Variants in RNF17 observed in about 807,000 individuals in gnomAD.
The protein encoded by RNF17 is spermatogenesis associated 23.
In RNF17, 31 loss-of-function variants were observed where a neutral mutation model predicts 200.5. That is an observed-to-expected ratio of 0.15 (90% CI 0.12 to 0.21). RNF17 has a LOEUF of 0.21. Ranked by LOEUF, RNF17 falls within the 10% of genes least tolerant of loss-of-function variation. The probability of loss-of-function intolerance (pLI) is 1.00; values close to 1 mark genes in which losing one functional copy is unlikely to be tolerated. For synonymous variants in RNF17, 606 were observed against 637.8 expected (o/e 0.95, Z 0.75); for missense variants, 1,628 against 1,905.1 (o/e 0.85, Z 2.71).
chr13:24,816,528 A>C (rs142625423), intron 15 of RNF17, among the ~76,000 whole-genome samples: 32 of 152,284 alleles, frequency 2.1e-4, no homozygotes, highest in Non-Finnish European at 4.0e-4. Flanking sequence ...ATTTTCTTTA[A>C]ATTAGCCAGT....
chr13:24,886,140 C>CA, the RNF17 span: 1 of 439,156 alleles, frequency 2.3e-6, no homozygotes. Flanking sequence ...ACGCCCCCAC[C>CA]AACAACAAAG....
At chr13:24,838,692 T>TGAC (rs1890278661) in intron 18 of RNF17, among the ~76,000 whole-genome samples, 2 of 152,172 alleles carry the variant, frequency 1.3e-5, no homozygotes, top group South Asian at 4.1e-4. Context: ...AAGCCATCTA[T>TGAC]GACAAACCCA....
chr13:24,772,736 G>C (rs902153479), intron 2 of RNF17, among the ~76,000 whole-genome samples: 1 of 151,536 alleles, frequency 6.6e-6, no homozygotes, highest in Non-Finnish European at 1.5e-5. Flanking sequence ...TCAGCCTCTC[G>C]AGCAGCTGGG....
At chr13:24,876,721 T>G (rs1034980338) in intron 33 of RNF17, among the ~76,000 whole-genome samples, 1 of 151,968 alleles carries the variant, frequency 6.6e-6, no homozygotes, top group African/African-American at 2.4e-5. Context: ...TGTAGATCTT[T>G]AGAGTAATGT....
At chr13:24,763,369 A>ATT (rs34750040), upstream of RNF17, among the ~76,000 whole-genome samples, 22,455 of 114,424 alleles carry the variant, frequency 0.2, 2,314 homozygotes, top group East Asian at 0.36. Flanking sequence ...CGTCCGGCTA[A>ATT]TTTTTTTTTT....
At chr13:24,782,794 ATATT>A (rs1882597383) in intron 6 of RNF17, among the ~76,000 whole-genome samples, 1 of 152,174 alleles carries the variant, frequency 6.6e-6, no homozygotes, top group South Asian at 2.1e-4. Flanking sequence ...AATTCTTTGT[ATATT>A]TTGAATATGA....
At chr13:24,849,368 A>G (rs1049258699) in intron 22 of RNF17, among the ~76,000 whole-genome samples, 1 of 152,232 alleles carries the variant, frequency 6.6e-6, no homozygotes. Context: ...CCCACAGGCC[A>G]CATGCAGCCC....
In RNF17 at chr13:24,859,005, TGA is replaced by T; in HGVS notation, c.3617_3618del (p.Glu1206AlafsTer7). ...ATCTTTAATACTTTTTTTCAGAATT[TGA>T]GCTAATAAAAATGACAAATGAAATT... ...IFVVPKLSEF[E>X]LIKMTNEIQS... On this transcript the variant is annotated frameshift_variant, in exon 26 of 36. Coordinates refer to ENST00000255324, the MANE Select transcript of RNF17 (RefSeq NM_031277.3). LOFTEE classifies it high-confidence loss of function. 2 of 1,564,398 alleles carry T rather than the reference TGA, an allele frequency of 1.3e-6. No homozygotes were observed. Among genetic ancestry groups the T allele is most frequent in the Admixed American group, 1.7e-5 (1 of 57,548 alleles).
intron 13 of RNF17, 117 bp from the exon 14 acceptor site, chr13:24,802,264 C>T (rs1885345110): frequency 9.6e-6 from 8 of 834,000 alleles, no homozygotes; most frequent in African/African-American, 1.7e-5. Context: ...CTAATGTCTG[C>T]GGTTGGTTCA....
intron 22 of RNF17, among the ~76,000 whole-genome samples, chr13:24,847,984 T>C (rs1891441403): frequency 6.6e-6 from 1 of 152,242 alleles, no homozygotes. Context: ...TTAAATGGTA[T>C]CTTATGGACT....
chr13:24,794,842 G>A (rs995550960), intron 10 of RNF17, among the ~76,000 whole-genome samples: 42 of 152,206 alleles, frequency 2.8e-4, no homozygotes, highest in African/African-American at 9.9e-4. Flanking sequence ...CTCAGCCTCC[G>A]GAGTAGCTGG....
rs35220494 is a variant in RNF17 at position 24,771,323 on chromosome 13, C to CTTTTTTTTTTTT, written c.226-3474_226-3463dup. On this transcript the variant is annotated intron_variant, in intron 2 of 35. Coordinates refer to ENST00000255324, the MANE Select transcript of RNF17 (RefSeq NM_031277.3). The stretch of plus-strand genomic sequence containing the variant: ...GGGAGTACCACTGCACACAGATAAT[C>CTTTTTTTTTTTT]TTTTTTTTTTTTTTTTTTTTTTTTT... Among the ~76,000 whole-genome samples the CTTTTTTTTTTTT allele has an allele frequency of 3.8e-4, 30 of 78,010 alleles. 3 individuals carry two copies. Among genetic ancestry groups the CTTTTTTTTTTTT allele is most frequent in the African/African-American group, 9.7e-4 (21 of 21,590 alleles). The allele number at this position is 78,010 out of a possible 152,430, so 51.2% of individuals were successfully genotyped here. A position where few individuals can be genotyped will look rare whatever the true frequency, so the allele number is the denominator to read the frequency against.
chr13:24,827,039 A>T (rs1888733114), intron 16 of RNF17, among the ~76,000 whole-genome samples: 1 of 151,690 alleles, frequency 6.6e-6, no homozygotes, highest in African/African-American at 2.4e-5. Flanking sequence ...CAGCCTGGGC[A>T]ACAAGAGCAA....
At chr13:24,856,101 G>GT (rs747292258) in intron 25 of RNF17, among the ~76,000 whole-genome samples, 33 of 152,104 alleles carry the variant, frequency 2.2e-4, no homozygotes, top group South Asian at 1.2e-3. Context: ...AATCTTCTTT[G>GT]TTTTTTGGTT....
At chr13:24,793,382 T>C (rs1234903780) in intron 10 of RNF17, 36 bp downstream of exon 10, 2 of 1,528,402 alleles carry the variant, frequency 1.3e-6, no homozygotes, top group East Asian at 4.5e-5. Context: ...GGAAAGATCT[T>C]GTATCTGTAA....
chr13:24,755,215 T>C, the RNF17 span, among the ~76,000 whole-genome samples: 6 of 152,230 alleles, frequency 3.9e-5, no homozygotes, highest in Non-Finnish European at 8.8e-5. Flanking sequence ...TCATTTTTGT[T>C]TGTTTGGTTT....
At chr13:24,839,461 A>G (rs1430181827) in intron 18 of RNF17, among the ~76,000 whole-genome samples, 2 of 152,224 alleles carry the variant, frequency 1.3e-5, no homozygotes, top group Non-Finnish European at 2.9e-5. Flanking sequence ...ATTTGGAGGC[A>G]TTACAATACC....
At chr13:24,773,298 A>T (rs1881050238) in intron 2 of RNF17, among the ~76,000 whole-genome samples, 1 of 152,190 alleles carries the variant, frequency 6.6e-6, no homozygotes, top group South Asian at 2.1e-4. Context: ...CATGGAATCA[A>T]CCTATGCGTC....
At chr13:24,777,959 G>A (rs1279446593) in intron 3 of RNF17, among the ~76,000 whole-genome samples, 4 of 152,072 alleles carry the variant, frequency 2.6e-5, no homozygotes, top group South Asian at 2.1e-4. Flanking sequence ...GGTAATATTG[G>A]TATTTAAAAT....
Sources: allele counts gnomAD v4.1 joint callset (sites outside exome capture counted in the v4.1 genomes callset), GRCh38; gene constraint gnomAD v4.1.1; transcripts MANE v1.5; gene names NCBI Gene and HGNC (gene_info 2026-07-23, HGNC 2026-07-21).